CYTH4: variants seen among roughly 807,000 people sequenced by gnomAD.
CYTH4 encodes the protein cytohesin 4, also known as cytohesin-4.
A neutral mutation model predicts 57.5 loss-of-function variants in CYTH4; 22 were observed. The observed-to-expected ratio is 0.38, with a 90% CI of 0.27 to 0.55. The LOEUF (loss-of-function observed/expected upper bound fraction) is 0.55. Ranked by LOEUF, CYTH4 falls within the 20% of genes least tolerant of loss-of-function variation. The pLI, the probability that CYTH4 is intolerant of heterozygous loss-of-function variation, is 0.74. For synonymous variants in CYTH4, 186 were observed against 206.5 expected, an observed-to-expected ratio of 0.90 and a Z score of 0.85; for missense variants, 420 against 535.6, an observed-to-expected ratio of 0.78 and a Z score of 2.13.
chr22:37,311,759 G>T lies in CYTH4; in HGVS notation c.957+232G>T. Reference sequence around the variant, plus strand: ...CCTGTTGTCCCACACAGCCCGACTGGCTGGATGGCCCCGAGTAAGCTCCAC... The same window carrying T: ...CCTGTTGTCCCACACAGCCCGACTGTCTGGATGGCCCCGAGTAAGCTCCAC... On this transcript the variant is annotated intron_variant, in intron 11 of 12. Coordinates refer to ENST00000248901, the MANE Select transcript of CYTH4 (RefSeq NM_013385.5). This position sits in a 1 kb window ranked among gnomAD's most constrained non-coding sequence, Gnocchi z 4.4. The T allele has an allele frequency of 4.6e-6, 3 of 651,918 alleles. No homozygotes were observed. Among genetic ancestry groups the T allele is most frequent in the Non-Finnish European group, 7.8e-6 (3 of 383,318 alleles). 40.4% of individuals were successfully genotyped at this position (651,918 alleles called of 1,614,324 possible). A position where few individuals can be genotyped will look rare whatever the true frequency, so the allele number is the denominator to read the frequency against.
chr22:37,286,623 A>G (rs1279391424), intron 1 of CYTH4, among the ~76,000 whole-genome samples: 2 of 152,112 alleles, frequency 1.3e-5, no homozygotes, highest in African/African-American at 4.8e-5. Context: ...GTAGGAGATA[A>G]GGAGGGGCTG....
At chr22:37,300,866 G>A in intron 6 of CYTH4, 41 bp from the exon 7 acceptor site, 2 of 1,566,694 alleles carry the variant, frequency 1.3e-6, no homozygotes, top group Non-Finnish European at 1.7e-6. Context: ...GCCCGCGAGG[G>A]CCCACCCACT....
intron 12 of CYTH4, among the ~76,000 whole-genome samples, chr22:37,312,916 T>C (rs1929699424): frequency 6.6e-6 from 1 of 152,284 alleles, no homozygotes; most frequent in Non-Finnish European, 1.5e-5. Context: ...GCTGAAGTGG[T>C]TGCTGGGCAG....
chr22:37,301,682 C>CT lies in CYTH4; in HGVS notation c.547+690dup, dbSNP rs71798839. ...TTTACACAGGCAAAGCCACTCAATC[C>CT]TTTTTTTTTTTTTTTTTTTTTTTTT... On this transcript the variant is annotated intron_variant, in intron 7 of 12. Coordinates refer to ENST00000248901, the MANE Select transcript of CYTH4 (RefSeq NM_013385.5). 2.9e-3 allele frequency among the ~76,000 whole-genome samples: 145 copies of CT among 50,400 alleles called. 12 individuals carry two copies. Among genetic ancestry groups the CT allele is most frequent in the African/African-American group, 5.9e-3 (86 of 14,672 alleles). The allele number at this position is 50,400 out of a possible 152,430, so 33.1% of individuals were successfully genotyped here. A position where few individuals can be genotyped will look rare whatever the true frequency, so the allele number is the denominator to read the frequency against.
At chr22:37,289,861 G>A (rs1461268730) in intron 1 of CYTH4, among the ~76,000 whole-genome samples, 1 of 152,200 alleles carries the variant, frequency 6.6e-6, no homozygotes, top group Non-Finnish European at 1.5e-5. Context: ...GAAGGAGCAG[G>A]CCATCCTCCC....
rs1392471709 is a variant in CYTH4 at position 37,295,832 on chromosome 22, C to A, written c.168-167C>A. ...CTGCAGAGCTCTGGGAGGAGCCAGG[C>A]CTTGCACTGCTCTCTCCCGCCCAGG... On this transcript the variant is annotated intron_variant, in intron 3 of 12. Coordinates refer to ENST00000248901, the MANE Select transcript of CYTH4 (RefSeq NM_013385.5). The surrounding 1 kb of genome is among the most constrained non-coding windows in gnomAD (Gnocchi z 4.1). Among the ~76,000 whole-genome samples, 2 of 152,176 alleles carry A rather than the reference C, an allele frequency of 1.3e-5. No homozygotes were observed. The highest frequency in any genetic ancestry group is 4.8e-5 in the African/African-American group (2 of 41,450).
intron 1 of CYTH4, 115 bp from the exon 2 acceptor site, chr22:37,292,506 C>A: frequency 2.0e-6 from 2 of 999,254 alleles, no homozygotes; most frequent in Non-Finnish European, 3.1e-6. Flanking sequence ...AGGAGGTGGG[C>A]CTCTGTGAAT....
intron 9 of CYTH4, among the ~76,000 whole-genome samples, chr22:37,309,699 T>A (rs1449671318): frequency 3.9e-5 from 6 of 152,160 alleles, no homozygotes; most frequent in African/African-American, 1.2e-4. Flanking sequence ...AAGGTGCTGG[T>A]CCACCCTACA....
chr22:37,305,331 C>T (rs1194971525), intron 8 of CYTH4, among the ~76,000 whole-genome samples: 1 of 152,106 alleles, frequency 6.6e-6, no homozygotes, highest in East Asian at 1.9e-4. Context: ...AAAATCTGCC[C>T]GGGAGGTTTA....
Position 37,309,291 on chromosome 22 carries a change from A to G in CYTH4, c.776A>G (p.Asn259Ser), listed in dbSNP as rs1929548046. Residue 259 changes from asparagine (N) to serine (S), a missense_variant, in exon 9 of 13, where the codon AAT becomes AGT. By Grantham distance (46) the Asn-to-Ser change is conservative. Transcript: ENST00000248901. ...AATGACCTCACTCACACCTTCTTCA[A>G]TCCAGACCGGGAGGGTTGGCTGCTC... ...DGNDLTHTFF[N>S]PDREGWLLKL... is the part of the protein sequence containing the mutation. 6.2e-7 allele frequency: 1 copy of G among 1,614,082 alleles called. No homozygotes were observed. The highest frequency in any genetic ancestry group is 1.3e-5 in the African/African-American group (1 of 75,046).
At position 37,314,015 on chromosome 22, in the gene CYTH4, A is replaced by T. The variant is rs1929753495; in HGVS notation, c.*504A>T. ...GGGCTTGGCCCTCTCTGCCTGAGAG[A>T]GCTCAGCACACACACAGCTCAGACC... On this transcript the variant is annotated 3_prime_UTR_variant, in exon 13 of 13. Coordinates refer to ENST00000248901, the MANE Select transcript of CYTH4 (RefSeq NM_013385.5). 2 of 269,736 alleles carry T rather than the reference A, an allele frequency of 7.4e-6. No individual in the cohort carries two copies. Among genetic ancestry groups the T allele is most frequent in the Non-Finnish European group, 1.4e-5 (2 of 142,660 alleles). 16.7% of individuals were successfully genotyped at this position (269,736 alleles called of 1,614,324 possible).
chr22:37,292,810 A>G (rs1928799125), intron 2 of CYTH4, 107 bp downstream of exon 2: 4 of 1,127,998 alleles, frequency 3.5e-6, no homozygotes, highest in Admixed American at 2.1e-5. Flanking sequence ...AGTGTGGCCA[A>G]CTCTGGCTCA....
At chr22:37,303,434 C>T in intron 8 of CYTH4, 32 bp downstream of exon 8, 1 of 1,602,644 alleles carries the variant, frequency 6.2e-7, no homozygotes, top group South Asian at 1.1e-5. Flanking sequence ...CAGCCTGGCC[C>T]CGGGGAATCC....
intron 3 of CYTH4, 69 bp downstream of exon 3, chr22:37,294,793 A>G: frequency 6.4e-7 from 1 of 1,568,524 alleles, no homozygotes. Context: ...TACACCTTGA[A>G]TGAGCAGGGG....
chr22:37,304,653 T>G, intron 8 of CYTH4, among the ~76,000 whole-genome samples: 1 of 152,278 alleles, frequency 6.6e-6, no homozygotes, highest in African/African-American at 2.4e-5. Flanking sequence ...GTTTGAGAAC[T>G]GCCTCACCCT....
chr22:37,305,022 T>G (rs1265221749), intron 8 of CYTH4, among the ~76,000 whole-genome samples: 1 of 152,210 alleles, frequency 6.6e-6, no homozygotes, highest in Non-Finnish European at 1.5e-5. Context: ...GTAAAATGCC[T>G]GAAACATTTT....
At position 37,311,413 on chromosome 22, in the gene CYTH4, G is replaced by T; in HGVS notation, c.886-43G>T. The T allele has an allele frequency of 1.9e-6, 3 of 1,578,302 alleles. No individual in the cohort carries two copies. The highest frequency in any genetic ancestry group is 2.6e-6 in the Non-Finnish European group (3 of 1,147,744). ...TTCACACCCTGCCTTGGGCCTCAGGGTTCCGCTTCCTGACCCTGACCTTCC... is the reference window on the plus strand; with the variant it reads ...TTCACACCCTGCCTTGGGCCTCAGGTTTCCGCTTCCTGACCCTGACCTTCC... On this transcript the variant is annotated intron_variant, in intron 10 of 12. Transcript: ENST00000248901. This position sits in a 1 kb window ranked among gnomAD's most constrained non-coding sequence, Gnocchi z 4.4.
intron 7 of CYTH4, among the ~76,000 whole-genome samples, chr22:37,301,503 C>G (rs1687242258): frequency 6.6e-6 from 1 of 151,892 alleles, no homozygotes; most frequent in Non-Finnish European, 1.5e-5. Flanking sequence ...GTCAGTCCTC[C>G]ATAGCCCTCT....
At chr22:37,306,519 C>T (rs1037370464) in intron 8 of CYTH4, among the ~76,000 whole-genome samples, 5 of 152,254 alleles carry the variant, frequency 3.3e-5, no homozygotes, top group Non-Finnish European at 5.9e-5. Context: ...CTGACTTCAG[C>T]GCCTATCCCT....
Sources: allele counts gnomAD v4.1 joint callset (sites outside exome capture counted in the v4.1 genomes callset), GRCh38; gene constraint gnomAD v4.1.1; non-coding constraint Gnocchi (gnomAD v3.1); transcripts MANE v1.5; gene names NCBI Gene and HGNC (gene_info 2026-07-23, HGNC 2026-07-21).